CHLSN: variants seen among roughly 807,000 people sequenced by gnomAD.
The protein encoded by CHLSN is cholesin.
At chr7:1,102,517 T>C in the CHLSN span, among the ~76,000 whole-genome samples, 1 of 152,228 alleles carries the variant, frequency 6.6e-6, no homozygotes, top group Non-Finnish European at 1.5e-5. Context: ...GTCTTGCTTC[T>C]TTGGTAAAAC....
the CHLSN span, among the ~76,000 whole-genome samples, chr7:1,016,622 A>AGC: frequency 1.6e-5 from 1 of 63,536 alleles, no homozygotes; most frequent in Non-Finnish European, 2.9e-5. Context: ...CGCACGCCAG[A>AGC]GCACAGTAGC....
chr7:1,055,595 G>T, the CHLSN span: 1 of 374,752 alleles, frequency 2.7e-6, no homozygotes. Flanking sequence ...GAGAGAGGAC[G>T]CAGGGGGTTC....
the CHLSN span, chr7:997,787 G>A: frequency 6.2e-7 from 1 of 1,606,388 alleles, no homozygotes; most frequent in Non-Finnish European, 8.5e-7. Context: ...GCAGGGTGGA[G>A]AAGTGCTCAT....
At chr7:1,065,922 C>G in the CHLSN span, among the ~76,000 whole-genome samples, 3,727 of 152,324 alleles carry the variant, frequency 0.024, 87 homozygotes, top group Non-Finnish European at 0.042. Context: ...AGGGCAGGCT[C>G]GGTTCTGGAG....
At chr7:994,089 C>T in the CHLSN span, among the ~76,000 whole-genome samples, 1 of 152,210 alleles carries the variant, frequency 6.6e-6, no homozygotes, top group African/African-American at 2.4e-5. Flanking sequence ...TCTGCTCACC[C>T]CCACAGGCAA....
At chr7:1,066,298 C>T in the CHLSN span, among the ~76,000 whole-genome samples, 4 of 152,260 alleles carry the variant, frequency 2.6e-5, no homozygotes, top group Admixed American at 6.5e-5. Flanking sequence ...TCTGCGCATC[C>T]GGCGGGGCTC....
At chr7:1,027,866 G>A in the CHLSN span, among the ~76,000 whole-genome samples, 1 of 152,322 alleles carries the variant, frequency 6.6e-6, no homozygotes, top group South Asian at 2.1e-4. Flanking sequence ...TGTCTCCCCC[G>A]GGGGCTGCTG....
the CHLSN span, among the ~76,000 whole-genome samples, chr7:1,017,786 G>C: frequency 6.6e-5 from 10 of 152,320 alleles, no homozygotes; most frequent in African/African-American, 2.2e-4. Flanking sequence ...GCAGGGTAAG[G>C]GGCTTCTCTG....
chr7:1,022,934 C>T, the CHLSN span: 9 of 457,184 alleles, frequency 2.0e-5, no homozygotes, highest in East Asian at 2.1e-4. Flanking sequence ...ATGGTCCCGG[C>T]GCAGACACTG....
the CHLSN span, chr7:1,091,625 T>C: frequency 6.5e-6 from 6 of 916,064 alleles, no homozygotes; most frequent in Non-Finnish European, 1.0e-5. Flanking sequence ...AATGCCAGGC[T>C]CACTTCAAGG....
the CHLSN span, chr7:1,021,684 G>T: frequency 1.1e-5 from 5 of 475,416 alleles, no homozygotes; most frequent in Non-Finnish European, 1.4e-5. Flanking sequence ...AGGTCGGCTG[G>T]AGGCAGGACA....
At chr7:1,136,475 T>C in the CHLSN span, among the ~76,000 whole-genome samples, 42 of 117,096 alleles carry the variant, frequency 3.6e-4, 2 homozygotes, top group East Asian at 2.2e-3. Context: ...CATATATAAA[T>C]ATATAAACAT....
the CHLSN span, chr7:983,328 G>A: frequency 1.0e-5 from 16 of 1,539,066 alleles, no homozygotes; most frequent in Admixed American, 2.0e-5. Context: ...GCCCGCTGCC[G>A]CTCGTCGGGA....
At chr7:1,102,502 G>A in the CHLSN span, among the ~76,000 whole-genome samples, 5 of 152,358 alleles carry the variant, frequency 3.3e-5, no homozygotes, top group East Asian at 5.8e-4. Context: ...CTTCCACAGG[G>A]GACGGTCTTG....
chr7:1,136,992 A>G, the CHLSN span, among the ~76,000 whole-genome samples: 1 of 152,118 alleles, frequency 6.6e-6, no homozygotes, highest in Non-Finnish European at 1.5e-5. Context: ...ACCTCTCACG[A>G]TGGCTTTTAA....
chr7:1,074,799 T>G, the CHLSN span: 1 of 152,442 alleles, frequency 6.6e-6, no homozygotes, highest in South Asian at 2.1e-4. Context: ...TGGGATGTCA[T>G]GCAGCCTGCC....
At chr7:1,038,559 G>T in the CHLSN span, among the ~76,000 whole-genome samples, 35 of 103,560 alleles carry the variant, frequency 3.4e-4, no homozygotes, top group African/African-American at 1.2e-3. Flanking sequence ...CCGGCCAGCC[G>T]CCCCGTCCGG....
chr7:978,113 G>A, the CHLSN span, among the ~76,000 whole-genome samples: 9 of 152,224 alleles, frequency 5.9e-5, no homozygotes, highest in Non-Finnish European at 1.2e-4. Context: ...GCCTGGAGGT[G>A]ACAACCGGCT....
chr7:1,103,226 G>A, the CHLSN span, among the ~76,000 whole-genome samples: 1 of 152,100 alleles, frequency 6.6e-6, no homozygotes, highest in South Asian at 2.1e-4. Flanking sequence ...TCCCACGCCC[G>A]ACCCTGTGGT....
Sources: gnomAD v4.1 joint callset for allele counts (sites outside exome capture counted in the v4.1 genomes callset) on GRCh38, gnomAD v4.1.1 for gene constraint, MANE v1.5 for transcripts, NCBI Gene and HGNC (gene_info 2026-07-23, HGNC 2026-07-21) for gene names.